Variants in ARHGEF10 observed in about 807,000 individuals in gnomAD.
The protein encoded by ARHGEF10 is Rho guanine nucleotide exchange factor 10, also known as Rho guanine nucleotide exchange factor (GEF) 10.
In ARHGEF10, 140 loss-of-function variants were observed where a neutral mutation model predicts 147.4. That is an observed-to-expected ratio of 0.95 (90% CI 0.83 to 1.09). ARHGEF10 has a LOEUF of 1.09. ARHGEF10 is among the 50% of genes least tolerant of loss of function. ARHGEF10 has a pLI of 0.00. For missense variants in ARHGEF10, 2,222 were observed against 1,752.7 expected (o/e 1.27, Z -4.78); for synonymous variants, 902 against 695.8 (o/e 1.30, Z -4.67).
chr8:1,893,442 C>T (rs1809712067), intron 11 of ARHGEF10, 127 bp from the exon 12 acceptor site: 1 of 694,212 alleles, frequency 1.4e-6, no homozygotes, highest in Admixed American at 2.3e-5. Flanking sequence ...TTTAATTAGG[C>T]TACCCTTGTG....
At chr8:1,852,991 C>G (rs1805260253) in intron 2 of ARHGEF10, among the ~76,000 whole-genome samples, 1 of 152,218 alleles carries the variant, frequency 6.6e-6, no homozygotes, top group Non-Finnish European at 1.5e-5. Context: ...GGCAGCCTGT[C>G]CTGGGCAGGC....
At chr8:1,869,528 CAG>C (rs977009997) in intron 7 of ARHGEF10, 2 of 575,812 alleles carry the variant, frequency 3.5e-6, no homozygotes, top group African/African-American at 1.9e-5. Context: ...GTAGGAAACA[CAG>C]AGGCTGAGAA....
chr8:1,923,282 T>C (rs1344769537), intron 19 of ARHGEF10, 186 bp from the exon 20 acceptor site: 1 of 976,876 alleles, frequency 1.0e-6, no homozygotes, highest in Admixed American at 2.5e-5. Context: ...GGGTTTAATA[T>C]CAGTTCTATC....
At chr8:1,918,567 A>G (rs1811940555) in intron 18 of ARHGEF10, among the ~76,000 whole-genome samples, 2 of 151,968 alleles carry the variant, frequency 1.3e-5, no homozygotes, top group Non-Finnish European at 2.9e-5. Context: ...GGTTTAAAAC[A>G]TGATGTTTTG....
chr8:1,888,217 G>GT (rs1157425792), intron 11 of ARHGEF10, among the ~76,000 whole-genome samples: 10 of 69,418 alleles, frequency 1.4e-4, no homozygotes, highest in Non-Finnish European at 2.6e-4. Context: ...GTGGGGCGAG[G>GT]GTTGCGAGGA....
intron 18 of ARHGEF10, 138 bp from the exon 19 acceptor site, chr8:1,922,826 T>A: frequency 1.6e-6 from 1 of 640,518 alleles, no homozygotes; most frequent in South Asian, 1.9e-5. Flanking sequence ...TGCTTGAAAA[T>A]GTCCACTTTT....
chr8:1,860,707 A>G (rs1356627732), intron 4 of ARHGEF10, among the ~76,000 whole-genome samples: 1 of 152,032 alleles, frequency 6.6e-6, no homozygotes, highest in Non-Finnish European at 1.5e-5. Flanking sequence ...CTTCACCCCG[A>G]TCTCTGATTC....
At chr8:1,847,518 C>G (rs568577579) in intron 2 of ARHGEF10, among the ~76,000 whole-genome samples, 3 of 152,224 alleles carry the variant, frequency 2.0e-5, no homozygotes, top group Admixed American at 2.0e-4. Flanking sequence ...TTACCAAATA[C>G]CTGGTAACTT....
intron 1 of ARHGEF10, among the ~76,000 whole-genome samples, chr8:1,830,909 A>C (rs1279230860): frequency 6.6e-6 from 1 of 152,254 alleles, no homozygotes; most frequent in Non-Finnish European, 1.5e-5. Flanking sequence ...AGCTGAGCCC[A>C]CGTCCACAGA....
At chr8:1,841,824 AC>A (rs1804060521) in intron 1 of ARHGEF10, among the ~76,000 whole-genome samples, 1 of 98,664 alleles carries the variant, frequency 1.0e-5, no homozygotes, top group Non-Finnish European at 2.4e-5. Flanking sequence ...CGCGGCGGGA[AC>A]TGGGGCCGCG....
intron 18 of ARHGEF10, among the ~76,000 whole-genome samples, chr8:1,915,559 C>T (rs537705017): frequency 6.6e-6 from 1 of 152,246 alleles, no homozygotes; most frequent in Non-Finnish European, 1.5e-5. Context: ...TCCAGCATCA[C>T]ACGTGCTTTC....
In ARHGEF10 at chr8:1,952,685, A is replaced by G; in HGVS notation, c.3398-20A>G. 1 of 1,613,010 alleles carries G rather than the reference A, an allele frequency of 6.2e-7. No homozygotes were observed. The highest frequency in any genetic ancestry group is 2.2e-5 in the East Asian group (1 of 44,846). ...TGCTACACAAACCAGACCCGAAGCCACTCATGTCTTTCCGCCCAGGGCACC... is the reference window on the plus strand; with the variant it reads ...TGCTACACAAACCAGACCCGAAGCCGCTCATGTCTTTCCGCCCAGGGCACC... On this transcript the variant is annotated intron_variant, in intron 27 of 28. Transcript: ENST00000349830.
At chr8:1,933,649 C>A in intron 25 of ARHGEF10, 151 bp from the exon 26 acceptor site, 2 of 1,035,020 alleles carry the variant, frequency 1.9e-6, no homozygotes, top group Non-Finnish European at 2.9e-6. Context: ...GTCAGCTTGT[C>A]GATCCCCAGA....
At chr8:1,825,484 G>A (rs1157795390) in intron 1 of ARHGEF10, among the ~76,000 whole-genome samples, 8 of 101,936 alleles carry the variant, frequency 7.8e-5, no homozygotes, top group Non-Finnish European at 1.2e-4. Flanking sequence ...GCTGTCCCTC[G>A]CACCCCAGCT....
chr8:1,919,598 G>T (rs1220544378), intron 18 of ARHGEF10, among the ~76,000 whole-genome samples: 1 of 150,004 alleles, frequency 6.7e-6, no homozygotes, highest in Non-Finnish European at 1.5e-5. Context: ...GAGCTGTTCT[G>T]TGGGTGATAA....
chr8:1,952,759 T>C lies in ARHGEF10; in HGVS notation c.3452T>C (p.Val1151Ala), dbSNP rs1287022718. ...SLLVCHGLLM[V>A]GTSLGVLVAL... ...CTCGTCTGCCACGGATTGCTGATGG[T>C]CGGCACCAGCCTGGGAGTCCTCGTG... is the stretch of plus-strand genomic sequence containing the variant. The change falls in exon 28 of 29, where the codon GTC becomes GCC. Residue 1151 changes from valine (V) to alanine (A), a missense_variant. Coordinates refer to ENST00000349830, the MANE Select transcript of ARHGEF10 (RefSeq NM_014629.4). 1 of 1,613,428 alleles carries C rather than the reference T, an allele frequency of 6.2e-7. No individual in the cohort carries two copies. Among genetic ancestry groups the C allele is most frequent in the Admixed American group, 1.7e-5 (1 of 60,034 alleles).
chr8:1,885,729 G>C, intron 11 of ARHGEF10, 22 bp downstream of exon 11: 3 of 1,548,702 alleles, frequency 1.9e-6, no homozygotes, highest in Non-Finnish European at 8.9e-7. Context: ...AGAGCTGACA[G>C]GGGCTGTTGA....
chr8:1,906,126 G>A (rs1056450775), intron 17 of ARHGEF10, among the ~76,000 whole-genome samples: 1 of 152,080 alleles, frequency 6.6e-6, no homozygotes, highest in Non-Finnish European at 1.5e-5. Context: ...TGTAAACCAA[G>A]AAAATGAGTT....
At chr8:1,875,679 A>G (rs1329137020) in intron 7 of ARHGEF10, among the ~76,000 whole-genome samples, 1 of 152,250 alleles carries the variant, frequency 6.6e-6, no homozygotes, top group East Asian at 1.9e-4. Flanking sequence ...CAGTGGAGAA[A>G]TATTACAAGG....
Sources: allele counts gnomAD v4.1 joint callset (sites outside exome capture counted in the v4.1 genomes callset), GRCh38; gene constraint gnomAD v4.1.1; transcripts MANE v1.5; gene names NCBI Gene and HGNC (gene_info 2026-07-23, HGNC 2026-07-21).